PPP2R5D: variants seen among roughly 807,000 people sequenced by gnomAD.
PPP2R5D encodes protein phosphatase 2 regulatory subunit B'delta.
In PPP2R5D, 12 loss-of-function variants were observed where a neutral mutation model predicts 79.1. The observed-to-expected ratio is 0.15, with a 90% CI of 0.10 to 0.25. The LOEUF is 0.25. PPP2R5D is among the 10% of genes least tolerant of loss of function. PPP2R5D has a pLI of 1.00. For synonymous variants in PPP2R5D, 277 were observed against 286.6 expected, an observed-to-expected ratio of 0.97 and a Z score of 0.34; for missense variants, 419 against 760.2, an observed-to-expected ratio of 0.55 and a Z score of 5.28.
rs771667367 is a variant in PPP2R5D at position 43,006,721 on chromosome 6, G to A, written c.322+42G>A. On this transcript the variant is annotated intron_variant, in intron 3 of 15. Coordinates refer to ENST00000485511, the MANE Select transcript of PPP2R5D (RefSeq NM_006245.4). The surrounding 1 kb of genome is among the most constrained non-coding windows in gnomAD (Gnocchi z 4.7). ...CACAGGGGCTGTTTTACCAGTTCTA[G>A]TGGGCATCGGGAGTTGGTGGAATGG... 1 of 1,601,222 alleles carries A rather than the reference G, an allele frequency of 6.2e-7. No homozygotes were observed. The highest frequency in any genetic ancestry group is 1.1e-5 in the South Asian group (1 of 89,924).
At chr6:42,988,106 T>G (rs1460364309) in intron 1 of PPP2R5D, among the ~76,000 whole-genome samples, 1 of 152,092 alleles carries the variant, frequency 6.6e-6, no homozygotes, top group African/African-American at 2.4e-5. Context: ...CACACCTTTC[T>G]TCCTCCCCAC....
chr6:43,005,037 C>T (rs940002860), intron 2 of PPP2R5D, among the ~76,000 whole-genome samples: 3 of 151,978 alleles, frequency 2.0e-5, no homozygotes, highest in Non-Finnish European at 4.4e-5. Flanking sequence ...GAGCCACTCA[C>T]TGCACCTGGC....
chr6:43,007,978 T>A lies in PPP2R5D; in HGVS notation c.770T>A (p.Phe257Tyr). ...AGTGAGGATCCTCGAGAGCGGGACT[T>A]CCTCAAGACCATTTTGCATCGCATC... ...FDSEDPRERD[F>Y]LKTILHRIYG... Residue 257 changes from phenylalanine to tyrosine, a missense_variant, in exon 7 of 16, where the codon TTC becomes TAC. Transcript: ENST00000485511. This position sits in a 1 kb window ranked among gnomAD's most constrained non-coding sequence, Gnocchi z 4.5. 4.3e-6 allele frequency: 7 copies of A among 1,614,160 alleles called. No individual in the cohort carries two copies. Among genetic ancestry groups the A allele is most frequent in the Non-Finnish European group, 5.9e-6 (7 of 1,180,028 alleles).
chr6:42,998,728 T>A (rs1009205374), intron 2 of PPP2R5D, among the ~76,000 whole-genome samples: 4 of 151,152 alleles, frequency 2.6e-5, no homozygotes, highest in Non-Finnish European at 4.4e-5. Flanking sequence ...TGAAACCCTG[T>A]CTCTACAAAA....
Position 43,007,642 on chromosome 6 carries a change from A to G in PPP2R5D, c.726+136A>G, listed in dbSNP as rs1238206458. 2.1e-6 allele frequency: 2 copies of G among 961,016 alleles called. No individual in the cohort carries two copies. The highest frequency in any genetic ancestry group is 1.6e-6 in the Non-Finnish European group (1 of 637,920). 59.5% of individuals were successfully genotyped at this position (961,016 alleles called of 1,614,324 possible). Reference sequence around the variant, plus strand: ...CTGGTACGAGGAGGCTATAAAGGGTAAAAAACAAAACAAAACAAAACCCTA... The same window carrying G: ...CTGGTACGAGGAGGCTATAAAGGGTGAAAAACAAAACAAAACAAAACCCTA... On this transcript the variant is annotated intron_variant, in intron 6 of 15. Transcript: ENST00000485511. The surrounding 1 kb of genome is among the most constrained non-coding windows in gnomAD (Gnocchi z 4.5).
chr6:43,006,184 A>G lies in PPP2R5D; in HGVS notation c.106-279A>G, dbSNP rs896971352. 2.6e-5 allele frequency among the ~76,000 whole-genome samples: 4 copies of G among 152,172 alleles called. No individual in the cohort carries two copies. The highest frequency in any genetic ancestry group is 2.9e-5 in the Non-Finnish European group (2 of 68,024). On this transcript the variant is annotated intron_variant, in intron 2 of 15. Transcript: ENST00000485511. The surrounding 1 kb of genome is among the most constrained non-coding windows in gnomAD (Gnocchi z 4.7). ...TTTTGACTTCTGTCACCATCAATCT[A>G]TCAATTAGCTTTACCTGTTCATGAA...
chr6:43,004,643 C>G (rs539716479), intron 2 of PPP2R5D, among the ~76,000 whole-genome samples: 1 of 142,362 alleles, frequency 7.0e-6, no homozygotes, highest in Non-Finnish European at 1.5e-5. Context: ...CCTCATCATT[C>G]TTATGCCTTT....
chr6:43,007,135 G>A lies in PPP2R5D; in HGVS notation c.522+25G>A, dbSNP rs544539035. The A allele has an allele frequency of 2.5e-6, 4 of 1,614,152 alleles. No homozygotes were observed. The East Asian group carries it at 8.9e-5, about 36-fold the overall frequency. ...GGTGGGCACAGGGAAAGGACACAGG[G>A]GGGACTGGTGAGGGGCTCTGGAGAA... On this transcript the variant is annotated intron_variant, in intron 4 of 15. Coordinates refer to ENST00000485511, the MANE Select transcript of PPP2R5D (RefSeq NM_006245.4). This position sits in a 1 kb window ranked among gnomAD's most constrained non-coding sequence, Gnocchi z 4.5.
Position 43,008,759 on chromosome 6 carries a change from C to G in PPP2R5D, c.1080+13C>G. On this transcript the variant is annotated intron_variant, in intron 10 of 15. Coordinates refer to ENST00000485511, the MANE Select transcript of PPP2R5D (RefSeq NM_006245.4). The surrounding 1 kb of genome is among the most constrained non-coding windows in gnomAD (Gnocchi z 4.2). The stretch of plus-strand genomic sequence containing the variant: ...TCTGACTGAGCCGGTAATTCCCCTT[C>G]CGGGCCCCAAGGCCCACCTCTTACT... 1.2e-6 allele frequency: 2 copies of G among 1,613,316 alleles called. No individual in the cohort carries two copies. Among genetic ancestry groups the G allele is most frequent in the Admixed American group, 3.3e-5 (2 of 59,980 alleles).
Position 43,006,414 on chromosome 6 carries a change from G to A in PPP2R5D, c.106-49G>A. ...CTTGGGGATGGCCAGGCCCAGGGTG[G>A]GAGGCATATCTTGGGAAGTGGATTT... On this transcript the variant is annotated intron_variant, in intron 2 of 15. Coordinates refer to ENST00000485511, the MANE Select transcript of PPP2R5D (RefSeq NM_006245.4). This position sits in a 1 kb window ranked among gnomAD's most constrained non-coding sequence, Gnocchi z 4.7. 1 of 1,592,944 alleles carries A rather than the reference G, an allele frequency of 6.3e-7. No homozygotes were observed. The highest frequency in any genetic ancestry group is 8.5e-7 in the Non-Finnish European group (1 of 1,169,948).
chr6:43,010,943 C>G lies in PPP2R5D; in HGVS notation c.1617C>G (p.Pro539=). 1 of 1,614,170 alleles carries G rather than the reference C, an allele frequency of 6.2e-7. No individual in the cohort carries two copies. The highest frequency in any genetic ancestry group is 8.5e-7 in the Non-Finnish European group (1 of 1,180,028). Residue 539 remains proline (P), a synonymous_variant, in exon 15 of 16, where the codon CCC becomes CCG. Transcript: ENST00000485511. This position sits in a 1 kb window ranked among gnomAD's most constrained non-coding sequence, Gnocchi z 4.7. ...TGTACTCGATGGAGACAGAGACCCC[C>G]ACAGCTGAGGACATCCAGCTTCTGA... ...PPVYSMETET[P]TAEDIQLLKR...
At position 43,009,669 on chromosome 6, in the gene PPP2R5D, C is replaced by T. The variant is rs1762254470; in HGVS notation, c.1379+220C>T. Among the ~76,000 whole-genome samples, 1 of 152,204 alleles carries T rather than the reference C, an allele frequency of 6.6e-6. No homozygotes were observed. Among genetic ancestry groups the T allele is most frequent in the Non-Finnish European group, 1.5e-5 (1 of 68,036 alleles). On this transcript the variant is annotated intron_variant, in intron 12 of 15. Coordinates refer to ENST00000485511, the MANE Select transcript of PPP2R5D (RefSeq NM_006245.4). This position sits in a 1 kb window ranked among gnomAD's most constrained non-coding sequence, Gnocchi z 5.6. Reference sequence around the variant, plus strand: ...AGCAGGGCAGCGGCCTGTTACACCGCTCCTTGGGTTCAGCTATTCTACAGG... The same window carrying T: ...AGCAGGGCAGCGGCCTGTTACACCGTTCCTTGGGTTCAGCTATTCTACAGG...
At chr6:43,000,864 C>T (rs1169853057) in intron 2 of PPP2R5D, among the ~76,000 whole-genome samples, 1 of 152,212 alleles carries the variant, frequency 6.6e-6, no homozygotes, top group Non-Finnish European at 1.5e-5. Flanking sequence ...ACCAACCAAA[C>T]CTTCATTGAA....
chr6:43,008,844 G>A lies in PPP2R5D; in HGVS notation c.1080+98G>A. On this transcript the variant is annotated intron_variant, in intron 10 of 15. Coordinates refer to ENST00000485511, the MANE Select transcript of PPP2R5D (RefSeq NM_006245.4). This position sits in a 1 kb window ranked among gnomAD's most constrained non-coding sequence, Gnocchi z 4.2. ...GTGCCATAAGGGGGAACTCAGGAGG[G>A]CTGTGACCTGACCGGTAACATGGTT... 6.5e-6 allele frequency: 9 copies of A among 1,387,250 alleles called. No individual in the cohort carries two copies. Among genetic ancestry groups the A allele is most frequent in the Non-Finnish European group, 9.1e-6 (9 of 992,718 alleles). 85.9% of individuals were successfully genotyped at this position (1,387,250 alleles called of 1,614,324 possible).
intron 2 of PPP2R5D, among the ~76,000 whole-genome samples, chr6:42,997,273 A>G (rs1253252350): frequency 6.6e-6 from 1 of 151,312 alleles, no homozygotes; most frequent in Non-Finnish European, 1.5e-5. Context: ...GCTCACTGCA[A>G]CCTCCGCCTC....
intron 2 of PPP2R5D, among the ~76,000 whole-genome samples, chr6:42,996,469 T>TAAAAAAAAATA (rs887858070): frequency 1.1e-4 from 11 of 99,494 alleles, no homozygotes; most frequent in African/African-American, 3.7e-4. Flanking sequence ...GTCTCAAAAA[T>TAAAAAAAAATA]AAAAAAAAAT....
rs1762207395 is a variant in PPP2R5D at position 43,008,590 on chromosome 6, C to T, written c.1027-103C>T. 1.3e-6 allele frequency: 2 copies of T among 1,484,920 alleles called. No individual in the cohort carries two copies. The highest frequency in any genetic ancestry group is 3.4e-5 in the Admixed American group (2 of 58,430). 92.0% of individuals were successfully genotyped at this position (1,484,920 alleles called of 1,614,324 possible). A position where few individuals can be genotyped will look rare whatever the true frequency, so the allele number is the denominator to read the frequency against. On this transcript the variant is annotated intron_variant, in intron 9 of 15. Coordinates refer to ENST00000485511, the MANE Select transcript of PPP2R5D (RefSeq NM_006245.4). The surrounding 1 kb of genome is among the most constrained non-coding windows in gnomAD (Gnocchi z 4.2). ...AGGGAGCAGGTGGGATAATTCCTTC[C>T]CTCCATCTCCCCTTCCCTTCTGGGA...
In PPP2R5D at chr6:43,006,356, C is replaced by T. The variant is rs1038292499; in HGVS notation, c.106-107C>T. The stretch of plus-strand genomic sequence containing the variant: ...GCTCCTTCGGGGCAGGAGACAGCTG[C>T]TCACTGCCCAGGCCTGTGCAGGCAT... On this transcript the variant is annotated intron_variant, in intron 2 of 15. Coordinates refer to ENST00000485511, the MANE Select transcript of PPP2R5D (RefSeq NM_006245.4). The surrounding 1 kb of genome is among the most constrained non-coding windows in gnomAD (Gnocchi z 4.7). 4 of 1,477,332 alleles carry T rather than the reference C, an allele frequency of 2.7e-6. No individual in the cohort carries two copies. Among genetic ancestry groups the T allele is most frequent in the Non-Finnish European group, 3.6e-6 (4 of 1,111,528 alleles). 91.5% of individuals were successfully genotyped at this position (1,477,332 alleles called of 1,614,324 possible).
Position 43,010,435 on chromosome 6 carries a change from C to T in PPP2R5D, c.1380-33C>T. 6.3e-7 allele frequency: 1 copy of T among 1,590,712 alleles called. No homozygotes were observed. The highest frequency in any genetic ancestry group is 8.6e-7 in the Non-Finnish European group (1 of 1,159,190). On this transcript the variant is annotated intron_variant, in intron 12 of 15. Coordinates refer to ENST00000485511, the MANE Select transcript of PPP2R5D (RefSeq NM_006245.4). This position sits in a 1 kb window ranked among gnomAD's most constrained non-coding sequence, Gnocchi z 4.7. Reference sequence around the variant, plus strand: ...TCCTCACGCTAAGGGCAGGCTCTGGCCTCCTACACCTCATCTTTCTTCTTG... The same window carrying T: ...TCCTCACGCTAAGGGCAGGCTCTGGTCTCCTACACCTCATCTTTCTTCTTG...
Sources: gnomAD v4.1 joint callset for allele counts (sites outside exome capture counted in the v4.1 genomes callset) on GRCh38, gnomAD v4.1.1 for gene constraint, Gnocchi (gnomAD v3.1) non-coding constraint, MANE v1.5 for transcripts, NCBI Gene and HGNC (gene_info 2026-07-23, HGNC 2026-07-21) for gene names.